Variants in SLC12A4 observed in about 807,000 individuals in gnomAD.
SLC12A4 encodes electroneutral potassium-chloride cotransporter 1.
SLC12A4 carries 84 observed loss-of-function variants against 119.2 expected under a neutral mutation model. The observed-to-expected ratio is 0.70, with a 90% CI of 0.59 to 0.85. SLC12A4 has a LOEUF of 0.85. Among genes scored for constraint, SLC12A4 ranks in the 40% least tolerant of loss-of-function variants. SLC12A4 has a pLI of 0.00. For synonymous variants in SLC12A4, 599 were observed against 604.6 expected (o/e 0.99, Z 0.14); for missense variants, 1,298 against 1,476.3 (o/e 0.88, Z 1.98).
At position 67,950,642 on chromosome 16, in the gene SLC12A4, C is replaced by T. The variant is rs772807890; in HGVS notation, c.1454+12G>A. The stretch of plus-strand genomic sequence containing the variant: ...CCAGCCGCTGCTAAAGAGGGGGGCC[C>T]AGCTCACTCACTTGTCCCGGAGAAC... On this transcript the variant is annotated intron_variant, in intron 11 of 23. Transcript: ENST00000316341. The surrounding 1 kb of genome is among the most constrained non-coding windows in gnomAD (Gnocchi z 4.3). 5.0e-6 allele frequency: 8 copies of T among 1,611,580 alleles called. No individual in the cohort carries two copies. The Admixed American group carries it at 1.2e-4, about 24-fold the overall frequency.
At chr16:67,959,164 G>A (rs751665523) in intron 3 of SLC12A4, among the ~76,000 whole-genome samples, 7 of 152,176 alleles carry the variant, frequency 4.6e-5, no homozygotes, top group Non-Finnish European at 8.8e-5. Context: ...ATCCAGGCAG[G>A]CTTTCTCAAC....
At chr16:67,968,370 G>C (rs2030957325) in intron 1 of SLC12A4, 69 bp downstream of exon 1, 2 of 1,383,384 alleles carry the variant, frequency 1.4e-6, no homozygotes, top group Non-Finnish European at 1.9e-6. Context: ...TGCGGGCGCG[G>C]GCCCGGGATG....
intron 3 of SLC12A4, among the ~76,000 whole-genome samples, chr16:67,959,278 C>G (rs928568921): frequency 6.6e-6 from 1 of 152,170 alleles, no homozygotes; most frequent in Non-Finnish European, 1.5e-5. Flanking sequence ...GTGCAGCCTC[C>G]GAAGTGTGGC....
At position 67,957,789 on chromosome 16, in the gene SLC12A4, A is replaced by C; in HGVS notation, c.497T>G (p.Leu166Arg). ...IVLICCCCTL[L>R]TAISMSAIAT... ...GATGGCACTCATGGAGATGGCCGTCAGCAGGGTCTGTGGGAAGGAGGGCCT... is the reference window on the plus strand; with the variant it reads ...GATGGCACTCATGGAGATGGCCGTCCGCAGGGTCTGTGGGAAGGAGGGCCT... The change falls in exon 5 of 24, where the codon CTG (leucine) becomes CGG (arginine). Residue 166 changes from leucine to arginine, a missense_variant. By Grantham distance (102) the Leu-to-Arg change is moderately radical. Coordinates refer to ENST00000316341, the MANE Select transcript of SLC12A4 (RefSeq NM_005072.5). The C allele has an allele frequency of 6.2e-7, 1 of 1,614,158 alleles. No homozygotes were observed. The highest frequency in any genetic ancestry group is 1.1e-5 in the South Asian group (1 of 91,084).
At chr16:67,965,860 C>G (rs1304791707) in intron 1 of SLC12A4, among the ~76,000 whole-genome samples, 1 of 152,138 alleles carries the variant, frequency 6.6e-6, no homozygotes, top group Non-Finnish European at 1.5e-5. Context: ...GAGTGAAGCT[C>G]AAAGATGTTC....
Position 67,949,302 on chromosome 16 carries a change from T to A in SLC12A4, c.1748+498A>T, listed in dbSNP as rs2058386552. 6.6e-6 allele frequency among the ~76,000 whole-genome samples: 1 copy of A among 151,912 alleles called. No individual in the cohort carries two copies. Among genetic ancestry groups the A allele is most frequent in the South Asian group, 2.1e-4 (1 of 4,806 alleles). On this transcript the variant is annotated intron_variant, in intron 13 of 23. Coordinates refer to ENST00000316341, the MANE Select transcript of SLC12A4 (RefSeq NM_005072.5). The surrounding 1 kb of genome is among the most constrained non-coding windows in gnomAD (Gnocchi z 4.6). The stretch of plus-strand genomic sequence containing the variant: ...CCATCTCTACTAAAAATACAAAAAA[T>A]TAGCTGGGCGTGGTGGTGCATTTCT...
chr16:67,950,819 T>C lies in SLC12A4; in HGVS notation c.1397-108A>G. On this transcript the variant is annotated intron_variant, in intron 10 of 23. Coordinates refer to ENST00000316341, the MANE Select transcript of SLC12A4 (RefSeq NM_005072.5). This position sits in a 1 kb window ranked among gnomAD's most constrained non-coding sequence, Gnocchi z 4.3. The stretch of plus-strand genomic sequence containing the variant: ...ACCAGGACACCTACAGCTGGGAGTC[T>C]CGTGGTGTGTATGTGCATGTGTGCA... 1 of 1,471,660 alleles carries C rather than the reference T, an allele frequency of 6.8e-7. No individual in the cohort carries two copies. The highest frequency in any genetic ancestry group is 9.3e-7 in the Non-Finnish European group (1 of 1,070,856). 91.2% of individuals were successfully genotyped at this position (1,471,660 alleles called of 1,614,324 possible). A position where few individuals can be genotyped will look rare whatever the true frequency, so the allele number is the denominator to read the frequency against.
Position 67,951,974 on chromosome 16 carries a change from A to G in SLC12A4, c.981T>C (p.Ala327=), listed in dbSNP as rs1322090702. 11 of 1,614,004 alleles carry G rather than the reference A, an allele frequency of 6.8e-6. No homozygotes were observed. The highest frequency in any genetic ancestry group is 1.3e-5 in the African/African-American group (1 of 74,932). Residue 327 remains alanine (A), a synonymous_variant, in exon 8 of 24, where the codon GCT becomes GCC. Transcript: ENST00000316341. This position sits in a 1 kb window ranked among gnomAD's most constrained non-coding sequence, Gnocchi z 5.2. The part of the protein sequence containing the change: ...RDQFDICAKT[A]VVDNETVATQ... Reference sequence around the variant, plus strand: ...TGGCCACTGTCTCATTGTCCACTACAGCTGTCTTGGCACAGATGTCAAACT... The same window carrying G: ...TGGCCACTGTCTCATTGTCCACTACGGCTGTCTTGGCACAGATGTCAAACT...
intron 17 of SLC12A4, 53 bp from the exon 18 acceptor site, chr16:67,946,686 G>C: frequency 6.4e-7 from 1 of 1,566,510 alleles, no homozygotes; most frequent in Non-Finnish European, 8.7e-7. Context: ...CCTGCCTCTG[G>C]GCTCCCTCCC....
intron 1 of SLC12A4, chr16:67,963,800 GGGCGCA>G: frequency 1.6e-6 from 2 of 1,282,990 alleles, no homozygotes; most frequent in Non-Finnish European, 1.1e-6. Context: ...ATCCAGGTGA[GGGCGCA>G]GGCGCCCTAG....
chr16:67,956,766 T>C (rs148081073), intron 5 of SLC12A4, among the ~76,000 whole-genome samples: 1,654 of 151,628 alleles, frequency 0.011, 11 homozygotes, highest in Middle Eastern at 0.024. Flanking sequence ...CGTAAACATA[T>C]ACACATAAAT....
At chr16:67,963,621 C>T (rs1460580372) in intron 1 of SLC12A4, 62 bp from the exon 2 acceptor site, 2 of 1,242,298 alleles carry the variant, frequency 1.6e-6, no homozygotes, top group East Asian at 4.7e-5. Flanking sequence ...GGCCCCTTCC[C>T]AGAAAGCCAG....
intron 5 of SLC12A4, among the ~76,000 whole-genome samples, chr16:67,955,695 A>G (rs1255610862): frequency 6.6e-6 from 1 of 152,160 alleles, no homozygotes; most frequent in Non-Finnish European, 1.5e-5. Context: ...AGCCTGGGCA[A>G]CACGATGAAA....
intron 21 of SLC12A4, 84 bp from the exon 22 acceptor site, chr16:67,945,637 C>T: frequency 6.6e-7 from 1 of 1,526,604 alleles, no homozygotes. Flanking sequence ...CACCTTGCCT[C>T]CGGGAAATGA....
chr16:67,946,660 G>A (rs761375826), intron 17 of SLC12A4, 27 bp from the exon 18 acceptor site: 2 of 1,588,726 alleles, frequency 1.3e-6, no homozygotes, highest in Admixed American at 1.7e-5. Flanking sequence ...CAGGGCCAAT[G>A]GGAGGCCATC....
At position 67,945,224 on chromosome 16, in the gene SLC12A4, C is replaced by A; in HGVS notation, c.3033-4G>T. 6.4e-7 allele frequency: 1 copy of A among 1,555,622 alleles called. No homozygotes were observed. On this transcript the variant is annotated splice_polypyrimidine_tract_variant and splice_region_variant and intron_variant, in intron 22 of 23. Coordinates refer to ENST00000316341, the MANE Select transcript of SLC12A4 (RefSeq NM_005072.5). The stretch of plus-strand genomic sequence containing the variant: ...GCGCCGCACATTGGATTGGTCCCTA[C>A]ACGTAGTGTAGCCAGTCACAGGTCG...
intron 3 of SLC12A4, among the ~76,000 whole-genome samples, chr16:67,960,268 C>T (rs1010441840): frequency 2.6e-5 from 4 of 152,254 alleles, no homozygotes; most frequent in African/African-American, 9.6e-5. Flanking sequence ...CCTAAGGATC[C>T]TGTCACCCAC....
At position 67,943,812 on chromosome 16, in the gene SLC12A4, C is replaced by T. The variant is rs939781889; in HGVS notation, c.*1028G>A. Reference sequence around the variant, plus strand: ...CCTCTAAGGGACAAGCTTTTGGCCCCTCCCCACACCAGGGCAGGTACTTAT... The same window carrying T: ...CCTCTAAGGGACAAGCTTTTGGCCCTTCCCCACACCAGGGCAGGTACTTAT... On this transcript the variant is annotated 3_prime_UTR_variant, in exon 24 of 24. Transcript: ENST00000316341. The surrounding 1 kb of genome is among the most constrained non-coding windows in gnomAD (Gnocchi z 4.6). 2.4e-6 allele frequency: 2 copies of T among 825,182 alleles called. No individual in the cohort carries two copies. Among genetic ancestry groups the T allele is most frequent in the Admixed American group, 3.0e-5 (1 of 33,538 alleles). 51.1% of individuals were successfully genotyped at this position (825,182 alleles called of 1,614,324 possible).
Position 67,951,343 on chromosome 16 carries a change from A to G in SLC12A4, c.1133-39T>C, listed in dbSNP as rs757941591. 9 of 1,593,040 alleles carry G rather than the reference A, an allele frequency of 5.6e-6. No homozygotes were observed. In the South Asian group the frequency reaches 1.0e-4, roughly 18 times the overall value. ...TGTGTCACCACCACAGCTGCCCCCC[A>G]CTACCCCAGGTAGTTTGGGGCAGCC... On this transcript the variant is annotated intron_variant, in intron 8 of 23. Coordinates refer to ENST00000316341, the MANE Select transcript of SLC12A4 (RefSeq NM_005072.5). This position sits in a 1 kb window ranked among gnomAD's most constrained non-coding sequence, Gnocchi z 5.2.
Sources: gnomAD v4.1 joint callset for allele counts (sites outside exome capture counted in the v4.1 genomes callset) on GRCh38, gnomAD v4.1.1 for gene constraint, Gnocchi (gnomAD v3.1) non-coding constraint, MANE v1.5 for transcripts, NCBI Gene and HGNC (gene_info 2026-07-23, HGNC 2026-07-21) for gene names.